The following KRTAP10-10 variants were observed in gnomAD, a reference collection of about 807,000 sequenced individuals.
The protein encoded by KRTAP10-10 is keratin-associated protein 10-10.
For missense variants in KRTAP10-10, 324 were observed against 319.9 expected, an observed-to-expected ratio of 1.01 and a Z score of -0.10; for synonymous variants, 139 against 137.6, an observed-to-expected ratio of 1.01 and a Z score of -0.07.
rs374082166 is a variant in KRTAP10-10, at chr21:44,637,897, G to C, written c.480G>C (p.Val160=). ...CTAAGTCCGTCTGCTATGTGCCTGT[G>C]TGCTCTGGGGCTTCCACTTCATGCT... is the stretch of plus-strand genomic sequence containing the variant. ...VCSKSVCYVP[V]CSGASTSCCQ... Residue 160 remains valine, a synonymous_variant, in exon 1 of 1, where the codon GTG becomes GTC. Coordinates refer to ENST00000380095, the MANE Select transcript of KRTAP10-10 (RefSeq NM_181688.3). The C allele has an allele frequency of 3.2e-4, 491 of 1,530,226 alleles. 1 individual carries two copies. Among genetic ancestry groups the C allele is most frequent in the Middle Eastern group, 6.9e-4 (4 of 5,822 alleles). The allele number at this position is 1,530,226 out of a possible 1,614,324, so 94.8% of individuals were successfully genotyped here.
rs56249559 is a variant in KRTAP10-10 at position 44,637,695 on chromosome 21, CCTGCTGTGTGCCTGT to C, written c.291_305del (p.Cys105_Cys109del). ...TGCACCTCCTCCCCCTGCCAGCAGG[CCTGCTGTGTGCCTGT>C]CTGCTGTGTGCCCGTCTGCTGCGTG... On this transcript the variant is annotated inframe_deletion, in exon 1 of 1. Coordinates refer to ENST00000380095, the MANE Select transcript of KRTAP10-10 (RefSeq NM_181688.3). 851,593 of 1,578,364 alleles carry C rather than the reference CCTGCTGTGTGCCTGT, an allele frequency of 0.54. 228,117 individuals carry two copies. The highest frequency in any genetic ancestry group is 0.66 in the Admixed American group (38,716 of 58,864).
chr21:44,637,510 C>T lies in KRTAP10-10; in HGVS notation c.93C>T (p.Cys31=). 6.2e-7 allele frequency: 1 copy of T among 1,613,376 alleles called. No homozygotes were observed. Among genetic ancestry groups the T allele is most frequent in the East Asian group, 2.2e-5 (1 of 44,868 alleles). ...DCPESCCEPC[C]CAPAPSLTLV... ...CAGAGAGCTGCTGCGAGCCCTGCTG[C>T]TGTGCCCCAGCCCCCAGCTTGACCC... The change falls in exon 1 of 1, where the codon TGC becomes TGT. Residue 31 remains cysteine, a synonymous_variant. Coordinates refer to ENST00000380095, the MANE Select transcript of KRTAP10-10 (RefSeq NM_181688.3).
chr21:44,637,880 G>A lies in KRTAP10-10; in HGVS notation c.463G>A (p.Val155Ile), dbSNP rs587625812. The change falls in exon 1 of 1, where the codon GTC (valine) becomes ATC (isoleucine). Residue 155 changes from valine to isoleucine, a missense_variant. Transcript: ENST00000380095. ...ACCVPVCSKS[V>I]CYVPVCSGAS... Reference sequence around the variant, plus strand: ...CTGTGTGCCTGTCTGCTCTAAGTCCGTCTGCTATGTGCCTGTGTGCTCTGG... The same window carrying A: ...CTGTGTGCCTGTCTGCTCTAAGTCCATCTGCTATGTGCCTGTGTGCTCTGG... The A allele has an allele frequency of 7.7e-5, 117 of 1,528,326 alleles. No individual in the cohort carries two copies. Among genetic ancestry groups the A allele is most frequent in the Middle Eastern group, 1.7e-4 (1 of 5,820 alleles). The allele number at this position is 1,528,326 out of a possible 1,614,324, so 94.7% of individuals were successfully genotyped here.
Position 44,637,758 on chromosome 21 carries a change from G to C in KRTAP10-10, c.341G>C (p.Cys114Ser). ...GTGCCCGTCTGTAACAAGCCTGTGT[G>C]CTTCGTGCCTACCTGCTCCGAGTCT... Reference protein sequence around the residue: ...CCVPVCNKPVCFVPTCSESSP... With the variant: ...CCVPVCNKPVSFVPTCSESSP... The change falls in exon 1 of 1, where the codon TGC (cysteine) becomes TCC (serine). Residue 114 changes from cysteine to serine, a missense_variant. Cys to Ser is a moderately radical substitution (Grantham distance 112). Transcript: ENST00000380095. The C allele has an allele frequency of 7.5e-7, 1 of 1,339,636 alleles. No individual in the cohort carries two copies. Among genetic ancestry groups the C allele is most frequent in the Non-Finnish European group, 1.0e-6 (1 of 979,796 alleles). The allele number at this position is 1,339,636 out of a possible 1,614,324, so 83.0% of individuals were successfully genotyped here. A position where few individuals can be genotyped will look rare whatever the true frequency, so the allele number is the denominator to read the frequency against.
rs200850239 is a variant in KRTAP10-10, at chr21:44,637,998, G to A, written c.581G>A (p.Cys194Tyr). 21 of 1,613,528 alleles carry A rather than the reference G, an allele frequency of 1.3e-5. No individual in the cohort carries two copies. In the Admixed American group the frequency reaches 3.3e-4, roughly 26 times the overall value. The change falls in exon 1 of 1, where the codon TGC becomes TAC. Residue 194 changes from cysteine to tyrosine, a missense_variant. Physicochemically the swap from Cys to Tyr is radical, Grantham distance 194 (BLOSUM62 -2). Coordinates refer to ENST00000380095, the MANE Select transcript of KRTAP10-10 (RefSeq NM_181688.3). Reference protein sequence around the residue: ...CRPSSSVSLLCHPVCKSTCCV... With the variant: ...CRPSSSVSLLYHPVCKSTCCV... ...CCCTCCTCCTCCGTGTCCCTCCTCT[G>A]CCACCCTGTGTGCAAGTCCACCTGC... is the stretch of plus-strand genomic sequence containing the variant.
rs781901765 is a variant in KRTAP10-10, at chr21:44,637,976, T to C, written c.559T>C (p.Ser187Pro). The C allele has an allele frequency of 2.5e-6, 4 of 1,613,540 alleles. No individual in the cohort carries two copies. The highest frequency in any genetic ancestry group is 1.7e-5 in the Admixed American group (1 of 59,960). Reference protein sequence around the residue: ...ACCTASCCRPSSSVSLLCHPV... With the variant: ...ACCTASCCRPPSSVSLLCHPV... ...CTGCACCGCCTCCTGCTGCAGACCC[T>C]CCTCCTCCGTGTCCCTCCTCTGCCA... The change falls in exon 1 of 1, where the codon TCC becomes CCC. Residue 187 changes from serine to proline, a missense_variant. Physicochemically the swap from Ser to Pro is moderately conservative, Grantham distance 74. Coordinates refer to ENST00000380095, the MANE Select transcript of KRTAP10-10 (RefSeq NM_181688.3).
rs1555937172 is a variant in KRTAP10-10, at chr21:44,637,638, G to A, written c.221G>A (p.Cys74Tyr). Residue 74 changes from cysteine to tyrosine, a missense_variant, in exon 1 of 1, where the codon TGC becomes TAC. Coordinates refer to ENST00000380095, the MANE Select transcript of KRTAP10-10 (RefSeq NM_181688.3). Reference sequence around the variant, plus strand: ...TACACCAGCTCCTGCACAACCCCATGCTACCAGCAGTCTAGCTGCCAGCCG... The same window carrying A: ...TACACCAGCTCCTGCACAACCCCATACTACCAGCAGTCTAGCTGCCAGCCG... ...SGYTSSCTTP[C>Y]YQQSSCQPDC... The A allele has an allele frequency of 6.2e-7, 1 of 1,613,726 alleles. No individual in the cohort carries two copies. Among genetic ancestry groups the A allele is most frequent in the Non-Finnish European group, 8.5e-7 (1 of 1,179,860 alleles).
rs1983795880 is a variant in KRTAP10-10 at position 44,638,274 on chromosome 21, G to A, written c.*101G>A. 2.0e-6 allele frequency: 3 copies of A among 1,474,512 alleles called. No homozygotes were observed. The highest frequency in any genetic ancestry group is 2.7e-6 in the Non-Finnish European group (3 of 1,109,256). 91.3% of individuals were successfully genotyped at this position (1,474,512 alleles called of 1,614,324 possible). A position where few individuals can be genotyped will look rare whatever the true frequency, so the allele number is the denominator to read the frequency against. On this transcript the variant is annotated 3_prime_UTR_variant, in exon 1 of 1. Transcript: ENST00000380095. ...CTGGCTTTGACACCCTCAGAAGGTGGGGCAGGCTCTTTGTCTTGGGGACCA... is the reference window on the plus strand; with the variant it reads ...CTGGCTTTGACACCCTCAGAAGGTGAGGCAGGCTCTTTGTCTTGGGGACCA...
Position 44,638,229 on chromosome 21 carries a change from C to G in KRTAP10-10, c.*56C>G. 6.4e-7 allele frequency: 1 copy of G among 1,559,940 alleles called. No individual in the cohort carries two copies. The highest frequency in any genetic ancestry group is 1.2e-5 in the South Asian group (1 of 82,018). ...CACCAGGGGCTGACCTCCCAGCTGC[C>G]CCAGCAAGCTCTGCCCTCTCTGGCT... On this transcript the variant is annotated 3_prime_UTR_variant, in exon 1 of 1. Coordinates refer to ENST00000380095, the MANE Select transcript of KRTAP10-10 (RefSeq NM_181688.3).
At position 44,637,821 on chromosome 21, in the gene KRTAP10-10, C is replaced by T. The variant is rs1162402706; in HGVS notation, c.404C>T (p.Thr135Ile). Reference protein sequence around the residue: ...SCCQQSSCQPTCCTSSPCQQA... With the variant: ...SCCQQSSCQPICCTSSPCQQA... The stretch of plus-strand genomic sequence containing the variant: ...TGCCAGCAGTCTAGCTGCCAGCCAA[C>T]TTGCTGCACCTCCTCCCCATGCCAG... Residue 135 changes from threonine (T) to isoleucine (I), a missense_variant, in exon 1 of 1, where the codon ACT becomes ATT. By Grantham distance (89) the Thr-to-Ile change is moderately conservative (BLOSUM62 -1). Transcript: ENST00000380095. 3 of 1,367,902 alleles carry T rather than the reference C, an allele frequency of 2.2e-6. No individual in the cohort carries two copies. The highest frequency in any genetic ancestry group is 3.0e-6 in the Non-Finnish European group (3 of 996,238). 84.7% of individuals were successfully genotyped at this position (1,367,902 alleles called of 1,614,324 possible).
In KRTAP10-10 at chr21:44,637,777, C is replaced by T. The variant is rs781880795; in HGVS notation, c.360C>T (p.Ser120=). 14 of 1,359,128 alleles carry T rather than the reference C, an allele frequency of 1.0e-5. No individual in the cohort carries two copies. In the Admixed American group the frequency reaches 1.0e-4, roughly 10 times the overall value. 84.2% of individuals were successfully genotyped at this position (1,359,128 alleles called of 1,614,324 possible). A position where few individuals can be genotyped will look rare whatever the true frequency, so the allele number is the denominator to read the frequency against. The change falls in exon 1 of 1, where the codon TCC becomes TCT. Residue 120 remains serine, a synonymous_variant. Coordinates refer to ENST00000380095, the MANE Select transcript of KRTAP10-10 (RefSeq NM_181688.3). ...NKPVCFVPTC[S]ESSPSCCQQS... is the part of the protein sequence containing the mutation. ...CTGTGTGCTTCGTGCCTACCTGCTC[C>T]GAGTCTTCCCCTTCATGCTGCCAGC...
At position 44,638,415 on chromosome 21, in the gene KRTAP10-10, C is replaced by A. The variant is rs587691685; in HGVS notation, c.*242C>A. 223 of 402,294 alleles carry A rather than the reference C, an allele frequency of 5.5e-4. 3 individuals are homozygous for A. Among genetic ancestry groups the A allele is most frequent in the South Asian group, 5.1e-3 (163 of 32,030 alleles). The allele number at this position is 402,294 out of a possible 1,614,324, so 24.9% of individuals were successfully genotyped here. A position where few individuals can be genotyped will look rare whatever the true frequency, so the allele number is the denominator to read the frequency against. On this transcript the variant is annotated 3_prime_UTR_variant, in exon 1 of 1. Transcript: ENST00000380095. ...AGGCCTGGTTCCACCCTGGGCAGCA[C>A]CCCCTCTAGTTCTAATAAAGCCGCC...
In KRTAP10-10 at chr21:44,638,356, C is replaced by T; in HGVS notation, c.*183C>T. 1 of 369,718 alleles carries T rather than the reference C, an allele frequency of 2.7e-6. No individual in the cohort carries two copies. 22.9% of individuals were successfully genotyped at this position (369,718 alleles called of 1,614,324 possible). A position where few individuals can be genotyped will look rare whatever the true frequency, so the allele number is the denominator to read the frequency against. On this transcript the variant is annotated 3_prime_UTR_variant, in exon 1 of 1. Coordinates refer to ENST00000380095, the MANE Select transcript of KRTAP10-10 (RefSeq NM_181688.3). ...CTGCCTGTGGGACCCCAGCTACTCC[C>T]CCAGACCCAAGTTCTGCAGAACTAA...
Position 44,637,836 on chromosome 21 carries a change from C to T in KRTAP10-10, c.419C>T (p.Ser140Phe). The change falls in exon 1 of 1, where the codon TCC becomes TTC. Residue 140 changes from serine (S) to phenylalanine (F), a missense_variant. By Grantham distance (155) the Ser-to-Phe change is radical. Transcript: ENST00000380095. ...TGCCAGCCAACTTGCTGCACCTCCTCCCCATGCCAGCAGGCCTGCTGTGTG... is the reference window on the plus strand; with the variant it reads ...TGCCAGCCAACTTGCTGCACCTCCTTCCCATGCCAGCAGGCCTGCTGTGTG... Reference protein sequence around the residue: ...SSCQPTCCTSSPCQQACCVPV... With the variant: ...SSCQPTCCTSFPCQQACCVPV... The T allele has an allele frequency of 7.2e-7, 1 of 1,384,468 alleles. No individual in the cohort carries two copies. The highest frequency in any genetic ancestry group is 1.3e-5 in the South Asian group (1 of 75,430). 85.8% of individuals were successfully genotyped at this position (1,384,468 alleles called of 1,614,324 possible). A position where few individuals can be genotyped will look rare whatever the true frequency, so the allele number is the denominator to read the frequency against.
In KRTAP10-10 at chr21:44,637,753, T is replaced by C. The variant is rs782410382; in HGVS notation, c.336T>C (p.Pro112=). The change falls in exon 1 of 1, where the codon CCT becomes CCC. Residue 112 remains proline, a synonymous_variant. Transcript: ENST00000380095. The part of the protein sequence containing the change: ...PVCCVPVCNK[P]VCFVPTCSES... The stretch of plus-strand genomic sequence containing the variant: ...GCTGCGTGCCCGTCTGTAACAAGCC[T>C]GTGTGCTTCGTGCCTACCTGCTCCG... 25 of 1,338,342 alleles carry C rather than the reference T, an allele frequency of 1.9e-5. 1 individual carries two copies. Among genetic ancestry groups the C allele is most frequent in the Admixed American group, 1.1e-4 (5 of 44,574 alleles). 82.9% of individuals were successfully genotyped at this position (1,338,342 alleles called of 1,614,324 possible).
At position 44,637,523 on chromosome 21, in the gene KRTAP10-10, C is replaced by T. The variant is rs868923154; in HGVS notation, c.106C>T (p.Pro36Ser). Residue 36 changes from proline to serine, a missense_variant, in exon 1 of 1, where the codon CCC (proline) becomes TCC (serine). Pro to Ser is a moderately conservative substitution (Grantham distance 74). Transcript: ENST00000380095. ...CGAGCCCTGCTGCTGTGCCCCAGCC[C>T]CCAGCTTGACCCTGGTCTGCACCCC... Reference protein sequence around the residue: ...CCEPCCCAPAPSLTLVCTPVS... With the variant: ...CCEPCCCAPASSLTLVCTPVS... 6.2e-7 allele frequency: 1 copy of T among 1,613,500 alleles called. No individual in the cohort carries two copies. The highest frequency in any genetic ancestry group is 8.5e-7 in the Non-Finnish European group (1 of 1,179,942).
At position 44,638,177 on chromosome 21, in the gene KRTAP10-10, C is replaced by A; in HGVS notation, c.*4C>A. 1 of 1,601,994 alleles carries A rather than the reference C, an allele frequency of 6.2e-7. No homozygotes were observed. Among genetic ancestry groups the A allele is most frequent in the Non-Finnish European group, 8.5e-7 (1 of 1,172,102 alleles). On this transcript the variant is annotated 3_prime_UTR_variant, in exon 1 of 1. Transcript: ENST00000380095. ...TGGCCAGAAGTCCAGCTGCTGACAG[C>A]CCTGGATGTGATCCGGAGTCCCTTC...
rs369819047 is a variant in KRTAP10-10, at chr21:44,637,786, C to G, written c.369C>G (p.Ser123=). 10 of 1,358,388 alleles carry G rather than the reference C, an allele frequency of 7.4e-6. No homozygotes were observed. The African/African-American group carries it at 1.6e-4, about 22-fold the overall frequency. The allele number at this position is 1,358,388 out of a possible 1,614,324, so 84.1% of individuals were successfully genotyped here. The change falls in exon 1 of 1, where the codon TCC becomes TCG. Residue 123 remains serine, a synonymous_variant. Coordinates refer to ENST00000380095, the MANE Select transcript of KRTAP10-10 (RefSeq NM_181688.3). ...VCFVPTCSES[S]PSCCQQSSCQ... The stretch of plus-strand genomic sequence containing the variant: ...TCGTGCCTACCTGCTCCGAGTCTTC[C>G]CCTTCATGCTGCCAGCAGTCTAGCT...
chr21:44,637,966 C>A, the KRTAP10-10 span: 1 of 1,614,000 alleles, frequency 6.2e-7, no homozygotes, highest in Non-Finnish European at 8.5e-7. Flanking sequence ...CCGCCTCCTG[C>A]TGCAGACCCT....
Sources: gnomAD v4.1 joint callset for allele counts on GRCh38, gnomAD v4.1.1 for gene constraint, MANE v1.5 for transcripts, NCBI Gene and HGNC (gene_info 2026-07-23, HGNC 2026-07-21) for gene names.